Variants in TRIM58 observed in about 807,000 individuals in gnomAD.
The protein encoded by TRIM58 is E3 ubiquitin-protein ligase TRIM58.
A neutral mutation model predicts 34.1 loss-of-function variants in TRIM58; 38 were observed. That is an observed-to-expected ratio of 1.12 (90% CI 0.86 to 1.46). TRIM58 has a LOEUF of 1.46. Among genes scored for constraint, TRIM58 ranks in the 40% most tolerant of loss-of-function variants. TRIM58 has a pLI of 0.00. For synonymous variants in TRIM58, 273 were observed against 275.7 expected (o/e 0.99, Z 0.10); for missense variants, 677 against 642.0 (o/e 1.05, Z -0.59).
chr1:247,876,386 C>G lies in TRIM58; in HGVS notation c.1358C>G (p.Ala453Gly). 6.2e-7 allele frequency: 1 copy of G among 1,614,168 alleles called. No individual in the cohort carries two copies. The highest frequency in any genetic ancestry group is 8.5e-7 in the Non-Finnish European group (1 of 1,180,020). ...LLRPYFFICD[A>G]TPLILPPTTI... is the part of the protein sequence containing the mutation. Reference sequence around the variant, plus strand: ...CGGCCTTACTTTTTCATCTGTGATGCAACTCCTCTTATCTTGCCACCCACA... The same window carrying G: ...CGGCCTTACTTTTTCATCTGTGATGGAACTCCTCTTATCTTGCCACCCACA... The change falls in exon 6 of 6, where the codon GCA (alanine) becomes GGA (glycine). Residue 453 changes from alanine (A) to glycine (G), a missense_variant. By Grantham distance (60) the Ala-to-Gly change is moderately conservative. Transcript: ENST00000366481.
chr1:247,859,690 C>A (rs1663736005), intron 1 of TRIM58, among the ~76,000 whole-genome samples: 1 of 151,726 alleles, frequency 6.6e-6, no homozygotes, highest in Non-Finnish European at 1.5e-5. Context: ...ACTAATACTA[C>A]AATAATAAAC....
At position 247,876,900 on chromosome 1, in the gene TRIM58, C is replaced by T. The variant is rs1659303931; in HGVS notation, c.*411C>T. 1 of 168,482 alleles carries T rather than the reference C, an allele frequency of 5.9e-6. No homozygotes were observed. The highest frequency in any genetic ancestry group is 1.3e-5 in the Non-Finnish European group (1 of 78,240). 10.4% of individuals were successfully genotyped at this position (168,482 alleles called of 1,614,324 possible). A position where few individuals can be genotyped will look rare whatever the true frequency, so the allele number is the denominator to read the frequency against. The stretch of plus-strand genomic sequence containing the variant: ...GTCTGATACTATTCCAGTATCACCT[C>T]CTTAATTCTGTTTCTCCTCGTTTTC... On this transcript the variant is annotated 3_prime_UTR_variant, in exon 6 of 6. Transcript: ENST00000366481.
chr1:247,864,592 G>A, intron 2 of TRIM58, 113 bp from the exon 3 acceptor site: 1 of 1,082,218 alleles, frequency 9.2e-7, no homozygotes, highest in African/African-American at 1.6e-5. Context: ...CAACCAGTGA[G>A]TCCACAGAGT....
At chr1:247,869,647 C>G (rs1461891681) in intron 5 of TRIM58, among the ~76,000 whole-genome samples, 1 of 152,212 alleles carries the variant, frequency 6.6e-6, no homozygotes, top group Admixed American at 6.5e-5. Flanking sequence ...GTGACTCATG[C>G]ACTCCTCTTA....
At chr1:247,864,447 A>G (rs993688373) in intron 2 of TRIM58, among the ~76,000 whole-genome samples, 2 of 152,158 alleles carry the variant, frequency 1.3e-5, no homozygotes, top group Admixed American at 6.6e-5. Flanking sequence ...AAACTTCAGT[A>G]TAAAAGTGCC....
intron 5 of TRIM58, 148 bp from the exon 6 acceptor site, chr1:247,875,752 C>T (rs951365882): frequency 8.5e-5 from 52 of 614,740 alleles, no homozygotes; most frequent in Non-Finnish European, 1.3e-4. Flanking sequence ...GAAGATTTCA[C>T]CTGTAAGGTG....
Position 247,861,311 on chromosome 1 carries a change from G to A in TRIM58, c.516+599G>A, listed in dbSNP as rs147575590. Among the ~76,000 whole-genome samples, 22 of 152,126 alleles carry A rather than the reference G, an allele frequency of 1.4e-4. No homozygotes were observed. In the East Asian group the frequency reaches 4.3e-3, roughly 29 times the overall value. On this transcript the variant is annotated intron_variant, in intron 2 of 5. Transcript: ENST00000366481. ...CACACACAGTGATTCTCAACCTGAG[G>A]CGATACCTGCCCCCCAAGATAACAT...
intron 2 of TRIM58, among the ~76,000 whole-genome samples, chr1:247,862,412 G>C (rs1663813794): frequency 6.6e-6 from 1 of 152,180 alleles, no homozygotes; most frequent in Non-Finnish European, 1.5e-5. Flanking sequence ...GATCAAGCTA[G>C]TAAAGCATAG....
intron 2 of TRIM58, 120 bp downstream of exon 2, chr1:247,860,832 G>C (rs1239335515): frequency 4.4e-6 from 3 of 686,390 alleles, no homozygotes; most frequent in Non-Finnish European, 7.5e-6. Context: ...ATATGCCCAA[G>C]AGCACCTCAG....
intron 3 of TRIM58, 88 bp downstream of exon 3, chr1:247,865,023 G>A (rs972016142): frequency 5.5e-6 from 7 of 1,261,856 alleles, no homozygotes; most frequent in Non-Finnish European, 7.5e-6. Flanking sequence ...ACACTTTGGC[G>A]TTTATGTTCT....
At chr1:247,862,644 C>T (rs758380618) in intron 2 of TRIM58, among the ~76,000 whole-genome samples, 18 of 152,120 alleles carry the variant, frequency 1.2e-4, no homozygotes, top group Admixed American at 4.6e-4. Flanking sequence ...ATCCCCATAT[C>T]GGAGAGCTGA....
chr1:247,874,337 C>T (rs1188794596), intron 5 of TRIM58, among the ~76,000 whole-genome samples: 12 of 152,090 alleles, frequency 7.9e-5, no homozygotes, highest in African/African-American at 2.2e-4. Flanking sequence ...TCCTCTTAAA[C>T]GACCAGCTCT....
chr1:247,875,765 ATACTGATTTGTTT>A, intron 5 of TRIM58, 122 bp from the exon 6 acceptor site: 1 of 676,292 alleles, frequency 1.5e-6, no homozygotes, highest in Non-Finnish European at 2.4e-6. Context: ...GTAAGGTGAA[ATACTGATTTGTTT>A]TCTCTAGGAG....
intron 1 of TRIM58, 48 bp downstream of exon 1, chr1:247,857,714 G>GCGGGCGTCC: frequency 8.3e-7 from 1 of 1,210,026 alleles, no homozygotes. Context: ...TGACCGGGAA[G>GCGGGCGTCC]CGGGCGACAG....
chr1:247,857,750 C>T, intron 1 of TRIM58, 84 bp downstream of exon 1: 2 of 1,195,638 alleles, frequency 1.7e-6, no homozygotes, highest in South Asian at 4.3e-5. Context: ...CCGAGGCCAC[C>T]CGTCTCCTGA....
chr1:247,861,161 C>G (rs1663783602), intron 2 of TRIM58, among the ~76,000 whole-genome samples: 1 of 152,042 alleles, frequency 6.6e-6, no homozygotes, highest in South Asian at 2.1e-4. Flanking sequence ...TATACATACA[C>G]ATATTCCATT....
rs1384925611 is a variant in TRIM58 at position 247,857,402 on chromosome 1, C to A, written c.156C>A (p.Gly52=). 3.3e-6 allele frequency: 5 copies of A among 1,520,410 alleles called. No homozygotes were observed. The highest frequency in any genetic ancestry group is 4.4e-6 in the Non-Finnish European group (5 of 1,133,122). 94.2% of individuals were successfully genotyped at this position (1,520,410 alleles called of 1,614,324 possible). Residue 52 remains glycine (G), a synonymous_variant, in exon 1 of 6, where the codon GGC becomes GGA. Transcript: ENST00000366481. ...GCGAGAAGTCGGACGGCGCGCAGGG[C>A]GGCGTCTACGCCTGTCCGCAGTGCC... The part of the protein sequence containing the change: ...EFCEKSDGAQ[G]GVYACPQCRG...
At position 247,857,626 on chromosome 1, in the gene TRIM58, A is replaced by G; in HGVS notation, c.380A>G (p.His127Arg). The G allele has an allele frequency of 1.6e-6, 2 of 1,245,342 alleles. No homozygotes were observed. Among genetic ancestry groups the G allele is most frequent in the Non-Finnish European group, 2.0e-6 (2 of 996,048 alleles). 77.1% of individuals were successfully genotyped at this position (1,245,342 alleles called of 1,614,324 possible). A position where few individuals can be genotyped will look rare whatever the true frequency, so the allele number is the denominator to read the frequency against. The change falls in exon 1 of 6, where the codon CAC becomes CGC. Residue 127 changes from histidine (H) to arginine (R), a missense_variant. Transcript: ENST00000366481. ...VCDAGPEHRT[H>R]RTAPLQEAAG... Reference sequence around the variant, plus strand: ...GACGCCGGCCCCGAGCACAGGACGCACCGCACGGCGCCGCTGCAGGAGGCC... The same window carrying G: ...GACGCCGGCCCCGAGCACAGGACGCGCCGCACGGCGCCGCTGCAGGAGGCC...
chr1:247,874,867 A>G (rs1000616843), intron 5 of TRIM58, among the ~76,000 whole-genome samples: 6 of 152,028 alleles, frequency 3.9e-5, no homozygotes, highest in Admixed American at 3.9e-4. Flanking sequence ...CTTACCTCCA[A>G]CCTTATTCAG....
Sources: gnomAD v4.1 joint callset for allele counts (sites outside exome capture counted in the v4.1 genomes callset) on GRCh38, gnomAD v4.1.1 for gene constraint, MANE v1.5 for transcripts, NCBI Gene and HGNC (gene_info 2026-07-23, HGNC 2026-07-21) for gene names.